Variants in CLCN4 observed in about 807,000 individuals in gnomAD.
CLCN4 encodes Cl-/H+ antiporter 4.
In CLCN4, 1 loss-of-function variant was observed where a neutral mutation model predicts 41.7. The observed-to-expected ratio is 0.02, with a 90% CI of 0.01 to 0.11. The LOEUF is 0.11. CLCN4 is among the 10% of genes least tolerant of loss of function. The pLI is 1.00. For synonymous variants in CLCN4, 277 were observed against 285.8 expected, an observed-to-expected ratio of 0.97 and a Z score of 0.31; for missense variants, 287 against 661.0, an observed-to-expected ratio of 0.43 and a Z score of 6.20.
At chrX:10,198,738 C>A (rs1924161310) in intron 6 of CLCN4, among the ~76,000 whole-genome samples, 1 of 112,284 alleles carries the variant, frequency 8.9e-6, no homozygotes, top group Non-Finnish European at 1.9e-5. Context: ...CCTATGAGGA[C>A]CTACTGGGCA....
intron 4 of CLCN4, among the ~76,000 whole-genome samples, chrX:10,190,059 G>A (rs755150700): frequency 2.3e-4 from 26 of 111,278 alleles, no homozygotes; most frequent in African/African-American, 7.9e-4. Context: ...TAGAAAGGTG[G>A]CTGCTAGAGG....
chrX:10,164,987 G>C (rs905398711), intron 2 of CLCN4, among the ~76,000 whole-genome samples: 1 of 112,649 alleles, frequency 8.9e-6, no homozygotes, highest in African/African-American at 3.2e-5. Flanking sequence ...TGAATTGGCT[G>C]TTCTCTGTGG....
rs1473611264 is a variant in CLCN4, at chrX:10,212,469, C to T, written c.1392C>T (p.Ile464=). The stretch of plus-strand genomic sequence containing the variant: ...GCTTTTCTCTGTGTCTCCTCAAGAT[C>T]CCGTCGGGCCTCTTCATCCCCAGCA... The part of the protein sequence containing the change: ...VVTIFTFGMK[I]PSGLFIPSMA... The change falls in exon 10 of 13, where the codon ATC becomes ATT. Residue 464 remains isoleucine (I), a splice_region_variant and synonymous_variant. Transcript: ENST00000380833. 4.1e-5 allele frequency: 49 copies of T among 1,207,950 alleles called. No individual in the cohort carries two copies. Among genetic ancestry groups the T allele is most frequent in the Non-Finnish European group, 5.4e-5 (48 of 893,827 alleles).
intron 6 of CLCN4, among the ~76,000 whole-genome samples, chrX:10,205,628 A>G (rs1349470215): frequency 9.9e-6 from 1 of 100,662 alleles, no homozygotes; most frequent in Non-Finnish European, 2.0e-5. Context: ...TTTTTTTTGA[A>G]ACAGGATCTT....
intron 6 of CLCN4, among the ~76,000 whole-genome samples, chrX:10,199,129 G>T (rs1924171692): frequency 8.9e-6 from 1 of 112,508 alleles, no homozygotes; most frequent in Non-Finnish European, 1.9e-5. Flanking sequence ...TATTGCTTCA[G>T]GAACCTGAAA....
At position 10,212,828 on chromosome X, in the gene CLCN4, G is replaced by A. The variant is rs748397839; in HGVS notation, c.1576+175G>A. On this transcript the variant is annotated intron_variant, in intron 10 of 12. Transcript: ENST00000380833. ...GCTTAACGCACCAAGGCTATGTCTCGCTCACTATGCAGACACACACACACA... is the reference window on the plus strand; with the variant it reads ...GCTTAACGCACCAAGGCTATGTCTCACTCACTATGCAGACACACACACACA... Among the ~76,000 whole-genome samples, 23 of 60,361 alleles carry A rather than the reference G, an allele frequency of 3.8e-4. No homozygotes were observed. In the South Asian group the frequency reaches 0.025, roughly 66 times the overall value. The allele number at this position is 60,361 out of a possible 115,157, so 52.4% of individuals were successfully genotyped here.
intron 12 of CLCN4, among the ~76,000 whole-genome samples, chrX:10,230,570 G>T (rs1389959537): frequency 1.8e-5 from 2 of 112,242 alleles, no homozygotes; most frequent in African/African-American, 3.2e-5. Flanking sequence ...GGAGACCAGA[G>T]CCCTTGTTGG....
At chrX:10,215,136 G>C (rs767186296) in intron 11 of CLCN4, among the ~76,000 whole-genome samples, 3 of 112,056 alleles carry the variant, frequency 2.7e-5, no homozygotes, top group Non-Finnish European at 5.6e-5. Context: ...ATATCTTCTA[G>C]AGTATTCTTG....
At chrX:10,188,625 A>G (rs887582703) in intron 4 of CLCN4, among the ~76,000 whole-genome samples, 1 of 112,626 alleles carries the variant, frequency 8.9e-6, no homozygotes, top group Non-Finnish European at 1.9e-5. Context: ...AGAATAAAAA[A>G]TTTGGCATGA....
At chrX:10,158,160 T>A (rs1254302011) in intron 1 of CLCN4, 129 bp from the exon 2 acceptor site, 6 of 245,150 alleles carry the variant, frequency 2.4e-5, no homozygotes, top group Non-Finnish European at 4.4e-5. Context: ...AAATAAAACA[T>A]GAAATTGTAT....
intron 2 of CLCN4, among the ~76,000 whole-genome samples, chrX:10,183,021 C>T (rs1923724172): frequency 8.9e-6 from 1 of 112,151 alleles, no homozygotes; most frequent in Non-Finnish European, 1.9e-5. Context: ...GTTTTTCTGA[C>T]AAGGGCTCTC....
rs760315418 is a variant in CLCN4, at chrX:10,191,692, ATTTTTTTTT to A, written c.245-3199_245-3191del. 9.4e-4 allele frequency among the ~76,000 whole-genome samples: 47 copies of A among 49,768 alleles called. No individual in the cohort carries two copies. The East Asian group carries it at 0.026, about 28-fold the overall frequency. The allele number at this position is 49,768 out of a possible 115,157, so 43.2% of individuals were successfully genotyped here. A position where few individuals can be genotyped will look rare whatever the true frequency, so the allele number is the denominator to read the frequency against. On this transcript the variant is annotated intron_variant, in intron 4 of 12. Transcript: ENST00000380833. ...AGGCGCGTGCCACCATATCTGGTTA[ATTTTTTTTT>A]TTTTTTTTTTTTTTTTTTTGTAGAG...
At chrX:10,185,890 A>AAAGCC (rs1440462104) in intron 3 of CLCN4, among the ~76,000 whole-genome samples, 1 of 111,740 alleles carries the variant, frequency 8.9e-6, no homozygotes, top group African/African-American at 3.3e-5. Flanking sequence ...TTTCATGCTG[A>AAAGCC]AAGCCACAGA....
At chrX:10,202,372 T>C (rs1432877517) in intron 6 of CLCN4, among the ~76,000 whole-genome samples, 1 of 109,461 alleles carries the variant, frequency 9.1e-6, no homozygotes, top group South Asian at 3.9e-4. Flanking sequence ...ACTTGGGAGG[T>C]TGAGGCACGA....
intron 6 of CLCN4, among the ~76,000 whole-genome samples, chrX:10,200,235 C>G (rs888901563): frequency 4.5e-5 from 5 of 112,249 alleles, no homozygotes; most frequent in Admixed American, 1.9e-4. Flanking sequence ...GTTGCCCAGG[C>G]TGGTCTTGAA....
chrX:10,211,624 C>T (rs778264211), intron 9 of CLCN4, among the ~76,000 whole-genome samples: 1 of 112,315 alleles, frequency 8.9e-6, no homozygotes, highest in African/African-American at 3.2e-5. Flanking sequence ...TAAAGTTCTG[C>T]TTCCATCCTC....
intron 4 of CLCN4, among the ~76,000 whole-genome samples, chrX:10,190,440 GC>G (rs1017623052): frequency 5.4e-5 from 6 of 111,380 alleles, no homozygotes; most frequent in Non-Finnish European, 1.1e-4. Context: ...TGAGCTCTTT[GC>G]CTTTGTTTTT....
At chrX:10,222,766 G>A (rs1924892217) in intron 12 of CLCN4, among the ~76,000 whole-genome samples, 1 of 111,818 alleles carries the variant, frequency 8.9e-6, no homozygotes, top group Admixed American at 9.4e-5. Context: ...TGCTGTCCTG[G>A]TAGCAAGCAC....
At chrX:10,190,477 A>G (rs1335083335) in intron 4 of CLCN4, among the ~76,000 whole-genome samples, 1 of 111,385 alleles carries the variant, frequency 9.0e-6, no homozygotes, top group African/African-American at 3.3e-5. Flanking sequence ...AGAACTGTGG[A>G]TAGTTCTAAA....
Sources: gnomAD v4.1 joint callset for allele counts (sites outside exome capture counted in the v4.1 genomes callset) on GRCh38, gnomAD v4.1.1 for gene constraint, MANE v1.5 for transcripts, NCBI Gene and HGNC (gene_info 2026-07-23, HGNC 2026-07-21) for gene names.